The following ZC3H12B variants were observed in gnomAD, a reference collection of about 807,000 sequenced individuals.
ZC3H12B encodes the protein zinc finger CCCH-type containing 12B, also known as probable ribonuclease ZC3H12B.
In ZC3H12B, 7 loss-of-function variants were observed where a neutral mutation model predicts 43.9. The ratio of observed to expected loss-of-function variants is 0.16; its 90% CI spans 0.09 to 0.30. The LOEUF (loss-of-function observed/expected upper bound fraction) is 0.30. Ranked by LOEUF, ZC3H12B falls within the 10% of genes least tolerant of loss-of-function variation. The pLI is 1.00. For synonymous variants in ZC3H12B, 222 were observed against 241.7 expected, an observed-to-expected ratio of 0.92 and a Z score of 0.76; for missense variants, 475 against 670.2, an observed-to-expected ratio of 0.71 and a Z score of 3.22.
At chrX:65,307,251 T>C in the ZC3H12B span, among the ~76,000 whole-genome samples, 1 of 112,140 alleles carries the variant, frequency 8.9e-6, no homozygotes, top group East Asian at 2.8e-4. Context: ...GTAAATACAG[T>C]GTCTAGTATC....
chrX:65,261,997 C>A, the ZC3H12B span, among the ~76,000 whole-genome samples: 1 of 110,066 alleles, frequency 9.1e-6, no homozygotes, highest in East Asian at 2.8e-4. Flanking sequence ...AGTTCATGTA[C>A]CCTTAGTAAA....
the ZC3H12B span, among the ~76,000 whole-genome samples, chrX:65,293,067 G>T: frequency 1.5e-4 from 17 of 111,808 alleles, no homozygotes; most frequent in African/African-American, 5.2e-4. Flanking sequence ...TAATTCATAG[G>T]TCAAAGAAGA....
intron 3 of ZC3H12B, among the ~76,000 whole-genome samples, chrX:65,442,581 CA>C (rs1171976095): frequency 9.0e-6 from 1 of 111,599 alleles, no homozygotes; most frequent in African/African-American, 3.3e-5. Flanking sequence ...GCATTGTGAG[CA>C]GCCTGAATGG....
the ZC3H12B span, among the ~76,000 whole-genome samples, chrX:65,222,648 A>T: frequency 1.0e-5 from 1 of 100,251 alleles, no homozygotes; most frequent in South Asian, 4.3e-4. Flanking sequence ...TAATAATAAT[A>T]ATAAAACACT....
the ZC3H12B span, among the ~76,000 whole-genome samples, chrX:65,148,168 C>T: frequency 3.6e-5 from 4 of 111,233 alleles, no homozygotes; most frequent in Admixed American, 3.8e-4. Context: ...CAGCCTGGTT[C>T]CTGAGGCCAG....
chrX:65,310,325 G>C, the ZC3H12B span, among the ~76,000 whole-genome samples: 281 of 111,524 alleles, frequency 2.5e-3, 2 homozygotes, highest in African/African-American at 8.6e-3. Context: ...AAATCAATGT[G>C]CAAAAATCAC....
the ZC3H12B span, among the ~76,000 whole-genome samples, chrX:65,250,559 T>G: frequency 1.8e-5 from 2 of 112,117 alleles, no homozygotes; most frequent in East Asian, 5.6e-4. Flanking sequence ...ACCAATGGCA[T>G]AAAAGTGTTC....
the ZC3H12B span, among the ~76,000 whole-genome samples, chrX:65,183,845 A>G: frequency 2.7e-5 from 3 of 111,559 alleles, no homozygotes; most frequent in African/African-American, 9.8e-5. Flanking sequence ...ATATTTATAG[A>G]TAAGTTGGAA....
chrX:65,473,852 C>T (rs1185111071), intron 3 of ZC3H12B, among the ~76,000 whole-genome samples: 1 of 111,616 alleles, frequency 9.0e-6, no homozygotes, highest in African/African-American at 3.3e-5. Flanking sequence ...TGACATTGAT[C>T]TTATTAAATT....
chrX:65,303,386 T>A, the ZC3H12B span, among the ~76,000 whole-genome samples: 1 of 111,916 alleles, frequency 8.9e-6, no homozygotes, highest in South Asian at 3.7e-4. Flanking sequence ...ATAATATAGT[T>A]TAACATTTGA....
At chrX:65,234,710 C>T in the ZC3H12B span, among the ~76,000 whole-genome samples, 1 of 112,276 alleles carries the variant, frequency 8.9e-6, no homozygotes, top group Non-Finnish European at 1.9e-5. Context: ...TTATTAAGTT[C>T]CAGGATACAT....
At chrX:65,224,821 G>A in the ZC3H12B span, among the ~76,000 whole-genome samples, 1 of 112,053 alleles carries the variant, frequency 8.9e-6, no homozygotes, top group Non-Finnish European at 1.9e-5. Flanking sequence ...GAGGCTGGGG[G>A]AAGGGTGCCC....
intron 3 of ZC3H12B, among the ~76,000 whole-genome samples, chrX:65,441,882 G>A (rs1054092505): frequency 5.4e-5 from 6 of 110,511 alleles, no homozygotes; most frequent in Admixed American, 9.7e-5. Context: ...AGTTTAGAAC[G>A]GGGCCCGGGA....
chrX:65,202,082 A>ATATATAT, the ZC3H12B span, among the ~76,000 whole-genome samples: 5 of 64,194 alleles, frequency 7.8e-5, no homozygotes, highest in African/African-American at 1.7e-3. Flanking sequence ...ATTACATATA[A>ATATATAT]TATATGTAAT....
the ZC3H12B span, among the ~76,000 whole-genome samples, chrX:65,187,825 T>C: frequency 9.0e-6 from 1 of 110,732 alleles, no homozygotes; most frequent in Non-Finnish European, 1.9e-5. Flanking sequence ...CTAATTATAT[T>C]TTTAGTTATT....
chrX:65,373,543 A>C (rs1488572319), intron 2 of ZC3H12B, among the ~76,000 whole-genome samples: 2 of 110,091 alleles, frequency 1.8e-5, no homozygotes, highest in Non-Finnish European at 3.8e-5. Context: ...CATATACACC[A>C]TGGAATACTA....
chrX:65,250,334 C>T, the ZC3H12B span, among the ~76,000 whole-genome samples: 1 of 111,990 alleles, frequency 8.9e-6, no homozygotes, highest in African/African-American at 3.2e-5. Flanking sequence ...TCCAGTCAAT[C>T]ATTGATGGAT....
At chrX:65,065,953 A>G in the ZC3H12B span, among the ~76,000 whole-genome samples, 1 of 106,448 alleles carries the variant, frequency 9.4e-6, no homozygotes, top group Admixed American at 1.0e-4. Context: ...ATACTTGTGC[A>G]TGCTTCACAA....
At chrX:65,315,690 T>C in the ZC3H12B span, among the ~76,000 whole-genome samples, 2 of 111,871 alleles carry the variant, frequency 1.8e-5, no homozygotes, top group African/African-American at 6.5e-5. Flanking sequence ...TCGTCAAAGA[T>C]TGAAGGAACA....
Sources: gnomAD v4.1 joint callset for allele counts (sites outside exome capture counted in the v4.1 genomes callset) on GRCh38, gnomAD v4.1.1 for gene constraint, MANE v1.5 for transcripts, NCBI Gene and HGNC (gene_info 2026-07-23, HGNC 2026-07-21) for gene names.